The following ZBTB20 variants were observed in gnomAD, a reference collection of about 807,000 sequenced individuals.
The protein encoded by ZBTB20 is zinc finger and BTB domain-containing protein 20.
A neutral mutation model predicts 56.9 loss-of-function variants in ZBTB20; 9 were observed. That is an observed-to-expected ratio of 0.16 (90% confidence interval 0.10 to 0.28). The LOEUF (loss-of-function observed/expected upper bound fraction) is 0.28. ZBTB20 is among the 10% of genes least tolerant of loss of function. The pLI, the probability that ZBTB20 is intolerant of heterozygous loss-of-function variation, is 1.00. For synonymous variants in ZBTB20, 417 were observed against 420.7 expected (o/e 0.99, Z 0.11); for missense variants, 655 against 1,003.0 (o/e 0.65, Z 4.69).
intron 6 of ZBTB20, among the ~76,000 whole-genome samples, chr3:114,534,918 A>C (rs895811879): frequency 1.3e-5 from 2 of 152,236 alleles, no homozygotes; most frequent in African/African-American, 4.8e-5. Context: ...TTAAGGCAGA[A>C]ATAAATAAGT....
intron 6 of ZBTB20, among the ~76,000 whole-genome samples, chr3:114,665,567 T>C (rs1248372522): frequency 6.6e-6 from 1 of 152,040 alleles, no homozygotes; most frequent in African/African-American, 2.4e-5. Context: ...AGTAAAGTAA[T>C]GAAAATAAGG....
intron 5 of ZBTB20, among the ~76,000 whole-genome samples, chr3:114,702,099 A>G (rs1027149567): frequency 6.6e-6 from 1 of 152,064 alleles, no homozygotes; most frequent in Non-Finnish European, 1.5e-5. Context: ...TCGCTTTGGG[A>G]GGCTGAGGTG....
rs144288167 is a variant in ZBTB20 at position 115,013,611 on chromosome 3, C to T, written c.-506-39195G>A. ...TGAATTTTACCAAACCTTTAAAGAA[C>T]ACCCAATCCTACTCAAATACTCTGA... On this transcript the variant is annotated intron_variant, in intron 2 of 11. Transcript: ENST00000675478. Among the ~76,000 whole-genome samples, 336 of 151,726 alleles carry T rather than the reference C, an allele frequency of 2.2e-3. 1 individual carries two copies. The highest frequency in any genetic ancestry group is 7.1e-3 in the African/African-American group (293 of 41,478).
At chr3:114,607,261 T>G (rs2057236863) in intron 6 of ZBTB20, among the ~76,000 whole-genome samples, 1 of 151,832 alleles carries the variant, frequency 6.6e-6, no homozygotes, top group Non-Finnish European at 1.5e-5. Flanking sequence ...TCTATGGATT[T>G]AAAAGTGTTA....
At chr3:114,445,019 A>C (rs2091180336) in intron 7 of ZBTB20, among the ~76,000 whole-genome samples, 1 of 152,176 alleles carries the variant, frequency 6.6e-6, no homozygotes, top group African/African-American at 2.4e-5. Flanking sequence ...AAGCCCCTTC[A>C]AGCTCCAAGA....
At chr3:114,699,060 A>T (rs2063233607) in intron 5 of ZBTB20, among the ~76,000 whole-genome samples, 1 of 152,156 alleles carries the variant, frequency 6.6e-6, no homozygotes, top group Non-Finnish European at 1.5e-5. Context: ...CTGTAAGAGA[A>T]ATATCAGGCA....
At chr3:115,098,368 T>C (rs759540687) in intron 1 of ZBTB20, among the ~76,000 whole-genome samples, 2 of 152,202 alleles carry the variant, frequency 1.3e-5, no homozygotes, top group South Asian at 2.1e-4. Context: ...ATGTACACTT[T>C]TGACATACAG....
At chr3:114,672,849 T>C (rs980861855) in intron 6 of ZBTB20, among the ~76,000 whole-genome samples, 2 of 152,148 alleles carry the variant, frequency 1.3e-5, no homozygotes, top group Non-Finnish European at 2.9e-5. Context: ...CTTAATCAGC[T>C]CAAGTTTCAC....
chr3:114,605,835 A>C (rs1408217902), intron 6 of ZBTB20, among the ~76,000 whole-genome samples: 1 of 152,216 alleles, frequency 6.6e-6, no homozygotes, highest in African/African-American at 2.4e-5. Context: ...TAACAGAAAA[A>C]AAAAAGTACA....
intron 7 of ZBTB20, among the ~76,000 whole-genome samples, chr3:114,445,810 T>C (rs1395533335): frequency 6.6e-6 from 1 of 152,158 alleles, no homozygotes; most frequent in Non-Finnish European, 1.5e-5. Flanking sequence ...AAAATATATA[T>C]GGTTTACATT....
intron 1 of ZBTB20, among the ~76,000 whole-genome samples, chr3:115,091,350 C>T (rs2083184680): frequency 6.6e-6 from 1 of 151,886 alleles, no homozygotes; most frequent in Non-Finnish European, 1.5e-5. Flanking sequence ...CCAATCCCTA[C>T]AAAAATCCTG....
At chr3:114,916,376 A>G (rs2075745748) in intron 3 of ZBTB20, among the ~76,000 whole-genome samples, 1 of 152,030 alleles carries the variant, frequency 6.6e-6, no homozygotes, top group Non-Finnish European at 1.5e-5. Flanking sequence ...TTTCAAGTAT[A>G]CTTCCAAATA....
chr3:114,928,180 G>A lies in ZBTB20; in HGVS notation c.-455-27838C>T, dbSNP rs186116774. ...CTTCGTTTCATGCAGTTTTATCTCC[G>A]TCTTCCACTTCTGTGTCTTCCTGGC... is the stretch of plus-strand genomic sequence containing the variant. On this transcript the variant is annotated intron_variant, in intron 3 of 11. Coordinates refer to ENST00000675478, the MANE Select transcript of ZBTB20 (RefSeq NM_001348800.3). Among the ~76,000 whole-genome samples, 5 of 152,258 alleles carry A rather than the reference G, an allele frequency of 3.3e-5. No individual in the cohort carries two copies. In the East Asian group the frequency reaches 5.8e-4, roughly 18 times the overall value.
intron 5 of ZBTB20, among the ~76,000 whole-genome samples, chr3:114,793,768 G>A (rs757420849): frequency 9.9e-5 from 15 of 151,932 alleles, no homozygotes; most frequent in Non-Finnish European, 2.1e-4. Flanking sequence ...ATGAATGCAG[G>A]CTCAAGCTTT....
Position 115,055,187 on chromosome 3 carries a change from ATCTCTCTCTC to A in ZBTB20, c.-507+16022_-507+16031del, listed in dbSNP as rs58480744. Among the ~76,000 whole-genome samples the A allele has an allele frequency of 2.8e-3, 290 of 103,184 alleles. 4 individuals carry two copies. The highest frequency in any genetic ancestry group is 0.01 in the African/African-American group (254 of 25,172). The allele number at this position is 103,184 out of a possible 152,430, so 67.7% of individuals were successfully genotyped here. On this transcript the variant is annotated intron_variant, in intron 2 of 11. Coordinates refer to ENST00000675478, the MANE Select transcript of ZBTB20 (RefSeq NM_001348800.3). ...TACAATCTTTTGCTCCCTCCTGGTAATCTCTCTCTCTCTCTCTCTCTCTCTCTCTCTCTCT... is the reference window on the plus strand; with the variant it reads ...TACAATCTTTTGCTCCCTCCTGGTAATCTCTCTCTCTCTCTCTCTCTCTCT...
chr3:114,740,401 G>C (rs139416032), intron 5 of ZBTB20, among the ~76,000 whole-genome samples: 3 of 152,110 alleles, frequency 2.0e-5, no homozygotes, highest in African/African-American at 7.2e-5. Flanking sequence ...CTGTGGGTAC[G>C]AAAAATGCAC....
At chr3:115,015,802 T>C (rs952502733) in intron 2 of ZBTB20, among the ~76,000 whole-genome samples, 64 of 151,902 alleles carry the variant, frequency 4.2e-4, no homozygotes, top group South Asian at 3.3e-3. Flanking sequence ...ATCTTTATAA[T>C]AAAATGATTT....
At chr3:114,989,367 C>T (rs2078698177) in intron 2 of ZBTB20, among the ~76,000 whole-genome samples, 1 of 152,018 alleles carries the variant, frequency 6.6e-6, no homozygotes, top group Admixed American at 6.6e-5. Context: ...GAATCCTTTC[C>T]CTATTTCTTG....
intron 5 of ZBTB20, among the ~76,000 whole-genome samples, chr3:114,764,761 TG>T (rs541111233): frequency 2.3e-4 from 35 of 152,308 alleles, no homozygotes; most frequent in South Asian, 8.3e-4. Context: ...AATAATATAT[TG>T]GTACCTTAGT....
Sources: allele counts gnomAD v4.1 joint callset (sites outside exome capture counted in the v4.1 genomes callset), GRCh38; gene constraint gnomAD v4.1.1; transcripts MANE v1.5; gene names NCBI Gene and HGNC (gene_info 2026-07-23, HGNC 2026-07-21).